DNMT3A: variants seen among roughly 807,000 people sequenced by gnomAD.
The protein encoded by DNMT3A is DNA methyltransferase 3 alpha.
DNMT3A carries 267 observed loss-of-function variants against 117.6 expected under a neutral mutation model. That is an observed-to-expected ratio of 2.27 (90% CI 2.05 to 2.51). The LOEUF (loss-of-function observed/expected upper bound fraction) is 2.51. DNMT3A is among the 30% of genes most tolerant of loss of function. DNMT3A has a pLI of 0.00. For synonymous variants in DNMT3A, 432 were observed against 474.8 expected (o/e 0.91, Z 1.17); for missense variants, 1,029 against 1,260.2 (o/e 0.82, Z 2.78).
rs1247327130 is a variant in DNMT3A, at chr2:25,296,123, T to C, written c.177+4016A>G. ...GTACCGACAGGTGACAACAAATGCTTCTCAAAGTGAGGTCTGCAGACCACT... is the reference window on the plus strand; with the variant it reads ...GTACCGACAGGTGACAACAAATGCTCCTCAAAGTGAGGTCTGCAGACCACT... On this transcript the variant is annotated intron_variant, in intron 3 of 22. Transcript: ENST00000321117. This position sits in a 1 kb window ranked among gnomAD's most constrained non-coding sequence, Gnocchi z 4.2. 1.3e-5 allele frequency among the ~76,000 whole-genome samples: 2 copies of C among 152,248 alleles called. No homozygotes were observed. The highest frequency in any genetic ancestry group is 4.1e-4 in the South Asian group (2 of 4,830).
At chr2:25,341,225 C>CG (rs1047757660) in intron 1 of DNMT3A, among the ~76,000 whole-genome samples, 1 of 144,338 alleles carries the variant, frequency 6.9e-6, no homozygotes, top group African/African-American at 2.5e-5. Flanking sequence ...GGGGGAGGGG[C>CG]GGGGGGCCGG....
In DNMT3A at chr2:25,281,633, T is replaced by C. The variant is rs1208529729; in HGVS notation, c.448+808A>G. 8.5e-6 allele frequency: 9 copies of C among 1,065,022 alleles called. No individual in the cohort carries two copies. The highest frequency in any genetic ancestry group is 1.0e-5 in the Non-Finnish European group (9 of 879,132). The allele number at this position is 1,065,022 out of a possible 1,614,324, so 66.0% of individuals were successfully genotyped here. On this transcript the variant is annotated intron_variant, in intron 4 of 22. Coordinates refer to ENST00000321117, the MANE Select transcript of DNMT3A (RefSeq NM_022552.5). The surrounding 1 kb of genome is among the most constrained non-coding windows in gnomAD (Gnocchi z 4.8). ...ACAACCTGGCAGGGCCCTGGGAGGA[T>C]CAAATGTGATAATGTATGAGAAAGC...
At chr2:25,315,982 G>A (rs983454275) in intron 1 of DNMT3A, among the ~76,000 whole-genome samples, 3 of 152,238 alleles carry the variant, frequency 2.0e-5, no homozygotes, top group East Asian at 1.9e-4. Context: ...TACTCCTGAC[G>A]GAGGCTTCCC....
Position 25,341,835 on chromosome 2 carries a change from G to T in DNMT3A, c.-187C>A. On this transcript the variant is annotated 5_prime_UTR_variant, in exon 1 of 23. Transcript: ENST00000321117. ...CAGCGGCGCTCATTACCGTATGGCCGGTGGGGTCGGGCCGGCCCGGCTGCG... is the reference window on the plus strand; with the variant it reads ...CAGCGGCGCTCATTACCGTATGGCCTGTGGGGTCGGGCCGGCCCGGCTGCG... 1 of 979,634 alleles carries T rather than the reference G, an allele frequency of 1.0e-6. No individual in the cohort carries two copies. The highest frequency in any genetic ancestry group is 4.6e-5 in the South Asian group (1 of 21,858). 60.7% of individuals were successfully genotyped at this position (979,634 alleles called of 1,614,324 possible). A position where few individuals can be genotyped will look rare whatever the true frequency, so the allele number is the denominator to read the frequency against.
At position 25,302,418 on chromosome 2, in the gene DNMT3A, G is replaced by A. The variant is rs570412303; in HGVS notation, c.73-2175C>T. Among the ~76,000 whole-genome samples, 11 of 152,368 alleles carry A rather than the reference G, an allele frequency of 7.2e-5. No homozygotes were observed. In the East Asian group the frequency reaches 1.9e-3, roughly 27 times the overall value. ...AGAAGGACCAAAGAGGGCAATTTAAGGAGCACAGCAGAGGAAGCATCTGGA... is the reference window on the plus strand; with the variant it reads ...AGAAGGACCAAAGAGGGCAATTTAAAGAGCACAGCAGAGGAAGCATCTGGA... On this transcript the variant is annotated intron_variant, in intron 2 of 22. Transcript: ENST00000321117.
rs867091878 is a variant in DNMT3A at position 25,233,128 on chromosome 2, C to T, written c.*1151G>A. The T allele has an allele frequency of 8.6e-6, 2 of 233,746 alleles. No homozygotes were observed. The highest frequency in any genetic ancestry group is 8.5e-6 in the Non-Finnish European group (1 of 118,050). The allele number at this position is 233,746 out of a possible 1,614,324, so 14.5% of individuals were successfully genotyped here. ...GACTCCGTACCCTCTGCCATCTTGC[C>T]GAGGGAGTCTCCTTTTAGAAAACAA... On this transcript the variant is annotated 3_prime_UTR_variant, in exon 23 of 23. Coordinates refer to ENST00000321117, the MANE Select transcript of DNMT3A (RefSeq NM_022552.5).
intron 6 of DNMT3A, chr2:25,251,915 TGCCCGG>T (rs1248670713): frequency 2.1e-6 from 1 of 481,194 alleles, no homozygotes; most frequent in Non-Finnish European, 3.7e-6. Flanking sequence ...CAGTTACCAC[TGCCCGG>T]GCTCCCGGCC....
At chr2:25,275,585 C>T (rs765085069) in intron 4 of DNMT3A, 42 bp from the exon 5 acceptor site, 51 of 1,546,094 alleles carry the variant, frequency 3.3e-5, no homozygotes, top group Non-Finnish European at 4.1e-5. Context: ...CGTTGGTCGG[C>T]AGAATTACTG....
At chr2:25,324,035 T>C (rs1057456741) in intron 1 of DNMT3A, among the ~76,000 whole-genome samples, 4 of 152,274 alleles carry the variant, frequency 2.6e-5, no homozygotes, top group Middle Eastern at 3.4e-3. Context: ...TATATTAACT[T>C]TGGGCACGGA....
At chr2:25,283,810 T>C (rs1396934945) in intron 3 of DNMT3A, among the ~76,000 whole-genome samples, 1 of 152,226 alleles carries the variant, frequency 6.6e-6, no homozygotes, top group Non-Finnish European at 1.5e-5. Flanking sequence ...GCTGTCTGTG[T>C]GTGTCACTGC....
At chr2:25,283,084 C>T (rs1310188868) in intron 3 of DNMT3A, among the ~76,000 whole-genome samples, 1 of 152,162 alleles carries the variant, frequency 6.6e-6, no homozygotes, top group Non-Finnish European at 1.5e-5. Context: ...ATGCTCCGGC[C>T]AGGCGTGGTG....
At chr2:25,324,602 C>T (rs1212753374) in intron 1 of DNMT3A, among the ~76,000 whole-genome samples, 1 of 152,132 alleles carries the variant, frequency 6.6e-6, no homozygotes, top group East Asian at 1.9e-4. Flanking sequence ...TCTTGTGCCC[C>T]ACCCCCACCC....
At chr2:25,275,382 C>T in intron 5 of DNMT3A, 118 bp downstream of exon 5, 1 of 1,413,922 alleles carries the variant, frequency 7.1e-7, no homozygotes. Flanking sequence ...CTCCTTCCCA[C>T]AGAGGGATGT....
At position 25,304,533 on chromosome 2, in the gene DNMT3A, G is replaced by A. The variant is rs1477005457; in HGVS notation, c.73-4290C>T. 2.6e-5 allele frequency among the ~76,000 whole-genome samples: 4 copies of A among 152,186 alleles called. No individual in the cohort carries two copies. Among genetic ancestry groups the A allele is most frequent in the African/African-American group, 9.7e-5 (4 of 41,436 alleles). ...TATCACACAGAGCCCAACATCTGGC[G>A]GGCGCTCTTGCCGCAAGATATGTGG... is the stretch of plus-strand genomic sequence containing the variant. On this transcript the variant is annotated intron_variant, in intron 2 of 22. Transcript: ENST00000321117. This position sits in a 1 kb window ranked among gnomAD's most constrained non-coding sequence, Gnocchi z 4.3.
chr2:25,293,959 T>C lies in DNMT3A; in HGVS notation c.177+6180A>G, dbSNP rs1286614314. Among the ~76,000 whole-genome samples, 2 of 152,178 alleles carry C rather than the reference T, an allele frequency of 1.3e-5. No homozygotes were observed. Among genetic ancestry groups the C allele is most frequent in the East Asian group, 3.9e-4 (2 of 5,188 alleles). On this transcript the variant is annotated intron_variant, in intron 3 of 22. Transcript: ENST00000321117. This position sits in a 1 kb window ranked among gnomAD's most constrained non-coding sequence, Gnocchi z 4.7. ...GTGGTGGGATTACAGGTGTGAGCCA[T>C]TGCACCCAGCCCCGTATACATTTTT...
intron 1 of DNMT3A, among the ~76,000 whole-genome samples, chr2:25,319,679 AAC>A (rs1443782304): frequency 1.3e-5 from 2 of 151,930 alleles, no homozygotes; most frequent in African/African-American, 4.8e-5. Flanking sequence ...TCTGCTGTCG[AAC>A]TGTCTTTTTA....
chr2:25,305,747 A>C lies in DNMT3A; in HGVS notation c.73-5504T>G, dbSNP rs562529802. On this transcript the variant is annotated intron_variant, in intron 2 of 22. Coordinates refer to ENST00000321117, the MANE Select transcript of DNMT3A (RefSeq NM_022552.5). The surrounding 1 kb of genome is among the most constrained non-coding windows in gnomAD (Gnocchi z 4.1). ...ACACCATAAAGATACAGGCAATCCAAGGTCAAGGCACACTGGCATTCACAG... is the reference window on the plus strand; with the variant it reads ...ACACCATAAAGATACAGGCAATCCACGGTCAAGGCACACTGGCATTCACAG... Among the ~76,000 whole-genome samples the C allele has an allele frequency of 2.0e-5, 3 of 152,310 alleles. No homozygotes were observed. In the South Asian group the frequency reaches 6.2e-4, roughly 32 times the overall value.
intron 3 of DNMT3A, among the ~76,000 whole-genome samples, chr2:25,289,271 T>G (rs1319175467): frequency 1.3e-5 from 2 of 151,654 alleles, no homozygotes; most frequent in African/African-American, 2.4e-5. Flanking sequence ...CCTGGCTAAT[T>G]TTTGTATTTT....
At position 25,235,725 on chromosome 2, in the gene DNMT3A, C is replaced by T. The variant is rs1321116253; in HGVS notation, c.2579G>A (p.Trp860Ter). The change falls in exon 22 of 23, where the codon TGG becomes TAG. Residue 860 changes from tryptophan (W) to a stop codon, truncating the protein, a stop_gained. Transcript: ENST00000321117. LOFTEE classifies it high-confidence loss of function. The part of the protein sequence containing the change: ...VFMNEKEDIL[W>*]CTEMERVFGF... ...CGGGTACCTTTCCATTTCAGTGCAC[C>T]ATAAGATGTCCTCTTTCTCATTCAT... 5 of 1,613,924 alleles carry T rather than the reference C, an allele frequency of 3.1e-6. No homozygotes were observed. Among genetic ancestry groups the T allele is most frequent in the East Asian group, 2.2e-5 (1 of 44,900 alleles).
Sources: gnomAD v4.1 joint callset for allele counts (sites outside exome capture counted in the v4.1 genomes callset) on GRCh38, gnomAD v4.1.1 for gene constraint, Gnocchi (gnomAD v3.1) non-coding constraint, MANE v1.5 for transcripts, NCBI Gene and HGNC (gene_info 2026-07-23, HGNC 2026-07-21) for gene names.